Variants in SPRED2 observed in about 807,000 individuals in gnomAD.
The protein encoded by SPRED2 is sprouty-related, EVH1 domain-containing protein 2.
SPRED2 carries 47 observed loss-of-function variants against 43.0 expected under a neutral mutation model. The ratio of observed to expected loss-of-function variants is 1.09; its 90% CI spans 0.87 to 1.40. SPRED2 has a LOEUF of 1.40. Ranked by LOEUF, SPRED2 falls within the 40% of genes most tolerant of loss-of-function variation. The pLI is 0.00. For synonymous variants in SPRED2, 225 were observed against 225.7 expected (o/e 1.00, Z 0.03); for missense variants, 561 against 586.4 (o/e 0.96, Z 0.45).
At chr2:65,366,832 A>T in intron 1 of SPRED2, 15 of 1,207,934 alleles carry the variant, frequency 1.2e-5, no homozygotes, top group Non-Finnish European at 1.6e-5. Flanking sequence ...CATTACTCAC[A>T]TTCAACATCC....
chr2:65,372,874 A>G (rs563826513), intron 1 of SPRED2, among the ~76,000 whole-genome samples: 1 of 152,332 alleles, frequency 6.6e-6, no homozygotes, highest in East Asian at 1.9e-4. Context: ...CCTCTAAGCC[A>G]GAATTAGACC....
intron 2 of SPRED2, among the ~76,000 whole-genome samples, chr2:65,335,014 T>G (rs1673922899): frequency 6.6e-6 from 1 of 152,228 alleles, no homozygotes; most frequent in Admixed American, 6.5e-5. Flanking sequence ...TTCATCACGG[T>G]TATTCCTCTT....
intron 1 of SPRED2, among the ~76,000 whole-genome samples, chr2:65,349,889 C>T (rs187851870): frequency 7.2e-5 from 11 of 152,328 alleles, no homozygotes; most frequent in Non-Finnish European, 1.6e-4. Flanking sequence ...GCAGAAGCCC[C>T]CTTTGTCTCC....
intron 1 of SPRED2, among the ~76,000 whole-genome samples, chr2:65,367,978 T>C (rs760162275): frequency 6.6e-6 from 1 of 151,942 alleles, no homozygotes; most frequent in Non-Finnish European, 1.5e-5. Context: ...AATCCAGATA[T>C]GGAAGCTCCA....
At chr2:65,326,867 G>A (rs1279058238) in intron 4 of SPRED2, among the ~76,000 whole-genome samples, 11 of 152,030 alleles carry the variant, frequency 7.2e-5, no homozygotes. Context: ...TTGAGTTAGG[G>A]TCTTGCTCTA....
chr2:65,427,145 C>T (rs1676574370), intron 1 of SPRED2, among the ~76,000 whole-genome samples: 1 of 152,178 alleles, frequency 6.6e-6, no homozygotes, highest in South Asian at 2.1e-4. Flanking sequence ...GATCACAGCT[C>T]ATTGCAGCCT....
At chr2:65,360,937 G>A (rs1196135908) in intron 1 of SPRED2, among the ~76,000 whole-genome samples, 2 of 152,212 alleles carry the variant, frequency 1.3e-5, no homozygotes, top group African/African-American at 4.8e-5. Context: ...CATTTCTGCA[G>A]TCCTTAAGAA....
At chr2:65,389,376 C>T (rs1675580033) in intron 1 of SPRED2, among the ~76,000 whole-genome samples, 1 of 151,790 alleles carries the variant, frequency 6.6e-6, no homozygotes, top group Non-Finnish European at 1.5e-5. Context: ...TACTTCTCCT[C>T]TTACCCCTGA....
chr2:65,432,281 G>C lies in SPRED2; in HGVS notation c.-294C>G. The C allele has an allele frequency of 2.3e-6, 1 of 441,872 alleles. No homozygotes were observed. Among genetic ancestry groups the C allele is most frequent in the Non-Finnish European group, 4.2e-6 (1 of 240,640 alleles). The allele number at this position is 441,872 out of a possible 1,614,324, so 27.4% of individuals were successfully genotyped here. A position where few individuals can be genotyped will look rare whatever the true frequency, so the allele number is the denominator to read the frequency against. ...CAGAGGGGGCGAGATTTGGGAAGGG[G>C]ACGGCGGTGGGGGAGAGCAGGAGAA... is the stretch of plus-strand genomic sequence containing the variant. On this transcript the variant is annotated 5_prime_UTR_variant, in exon 1 of 6. Coordinates refer to ENST00000356388, the MANE Select transcript of SPRED2 (RefSeq NM_181784.3).
rs147555916 is a variant in SPRED2, at chr2:65,409,656, A to G, written c.26+22306T>C. ...AACAAGAATTTTGTTTCCTGGCAAGACTGATTTGAGTGCTAATAAAACTCC... is the reference window on the plus strand; with the variant it reads ...AACAAGAATTTTGTTTCCTGGCAAGGCTGATTTGAGTGCTAATAAAACTCC... On this transcript the variant is annotated intron_variant, in intron 1 of 5. Coordinates refer to ENST00000356388, the MANE Select transcript of SPRED2 (RefSeq NM_181784.3). Among the ~76,000 whole-genome samples the G allele has an allele frequency of 5.3e-3, 789 of 147,930 alleles. 14 individuals carry two copies. The highest frequency in any genetic ancestry group is 0.018 in the African/African-American group (719 of 40,192).
At chr2:65,369,109 C>T (rs1420147386) in intron 1 of SPRED2, among the ~76,000 whole-genome samples, 1 of 152,114 alleles carries the variant, frequency 6.6e-6, no homozygotes, top group Admixed American at 6.6e-5. Context: ...ATTTAATAAT[C>T]ACCACAGTTA....
In SPRED2 at chr2:65,313,572, G is replaced by T. The variant is rs1303353273; in HGVS notation, c.1186C>A (p.Pro396Thr). ...CCGCAGTGGTAGCAGGCCCGAAGGGGCAGGTAACAGCACATACAGGGGGCC... is the reference window on the plus strand; with the variant it reads ...CCGCAGTGGTAGCAGGCCCGAAGGGTCAGGTAACAGCACATACAGGGGGCC... ...FLAPCMCCYL[P>T]LRACYHCGVM... The change falls in exon 6 of 6, where the codon CCC (proline) becomes ACC (threonine). Residue 396 changes from proline to threonine, a missense_variant. Pro to Thr is a conservative substitution (Grantham distance 38). This residue lies in a region of SPRED2 where 65 missense variants were observed against 60.2 expected (regional missense o/e 1.08). Coordinates refer to ENST00000356388, the MANE Select transcript of SPRED2 (RefSeq NM_181784.3). 2 of 1,614,074 alleles carry T rather than the reference G, an allele frequency of 1.2e-6. No individual in the cohort carries two copies. The highest frequency in any genetic ancestry group is 1.3e-5 in the African/African-American group (1 of 74,946).
intron 1 of SPRED2, among the ~76,000 whole-genome samples, chr2:65,348,961 CAT>C (rs1674428990): frequency 6.6e-6 from 1 of 152,138 alleles, no homozygotes; most frequent in African/African-American, 2.4e-5. Flanking sequence ...CATACATGTA[CAT>C]ATATGACTAA....
intron 1 of SPRED2, among the ~76,000 whole-genome samples, chr2:65,354,424 G>A (rs1674589747): frequency 6.6e-6 from 1 of 152,098 alleles, no homozygotes; most frequent in African/African-American, 2.4e-5. Context: ...TAGACTCACT[G>A]CATTGTACTG....
At chr2:65,384,747 T>G (rs1291409500) in intron 1 of SPRED2, among the ~76,000 whole-genome samples, 1 of 152,184 alleles carries the variant, frequency 6.6e-6, no homozygotes, top group Non-Finnish European at 1.5e-5. Flanking sequence ...GTTTCCACCC[T>G]GTCAGGTCCC....
At chr2:65,328,942 T>A (rs569530493) in intron 4 of SPRED2, among the ~76,000 whole-genome samples, 1 of 152,378 alleles carries the variant, frequency 6.6e-6, no homozygotes, top group South Asian at 2.1e-4. Context: ...GAAACCTTGA[T>A]AAGTACAAAA....
At chr2:65,397,782 A>T (rs142462828) in intron 1 of SPRED2, among the ~76,000 whole-genome samples, 1 of 152,334 alleles carries the variant, frequency 6.6e-6, no homozygotes, top group African/African-American at 2.4e-5. Flanking sequence ...ATGGATGAGT[A>T]GAATCGATAT....
intron 4 of SPRED2, among the ~76,000 whole-genome samples, chr2:65,326,694 T>C (rs749506158): frequency 3.3e-5 from 5 of 151,954 alleles, no homozygotes; most frequent in Admixed American, 6.6e-5. Context: ...GAAAAAGAAA[T>C]AGGGTCTCAC....
chr2:65,404,970 C>A (rs1390284560), intron 1 of SPRED2, among the ~76,000 whole-genome samples: 1 of 152,198 alleles, frequency 6.6e-6, no homozygotes, highest in Non-Finnish European at 1.5e-5. Flanking sequence ...TCCCTCCTGC[C>A]TTGTGACTAC....
Sources: gnomAD v4.1 joint callset for allele counts (sites outside exome capture counted in the v4.1 genomes callset) on GRCh38, gnomAD v4.1.1 for gene constraint, gnomAD v4.1.1 regional missense constraint, MANE v1.5 for transcripts, NCBI Gene and HGNC (gene_info 2026-07-23, HGNC 2026-07-21) for gene names.